The following BNC2 variants were observed in gnomAD, a reference collection of about 807,000 sequenced individuals.
BNC2 encodes the protein zinc finger protein basonuclin-2.
A neutral mutation model predicts 76.3 loss-of-function variants in BNC2; 20 were observed. The ratio of observed to expected loss-of-function variants is 0.26; its 90% confidence interval spans 0.18 to 0.38. The LOEUF is 0.38. Ranked by LOEUF, BNC2 falls within the 10% of genes least tolerant of loss-of-function variation. The probability of loss-of-function intolerance (pLI) is 1.00; values close to 1 mark genes in which losing one functional copy is unlikely to be tolerated. For missense variants in BNC2, 1,382 were observed against 1,399.8 expected (o/e 0.99, Z 0.20); for synonymous variants, 582 against 514.8 (o/e 1.13, Z -1.77).
At chr9:16,686,002 A>C (rs1822967340) in intron 3 of BNC2, among the ~76,000 whole-genome samples, 1 of 152,160 alleles carries the variant, frequency 6.6e-6, no homozygotes, top group Admixed American at 6.5e-5. Flanking sequence ...TTGGTGACAT[A>C]AATTTTTTCT....
chr9:16,786,597 C>G (rs1447341595), intron 1 of BNC2, among the ~76,000 whole-genome samples: 1 of 152,078 alleles, frequency 6.6e-6, no homozygotes, highest in African/African-American at 2.4e-5. Context: ...TCCCGGATAC[C>G]ATATAATCAG....
At chr9:16,445,946 C>T (rs2130983496) in intron 5 of BNC2, among the ~76,000 whole-genome samples, 1 of 152,256 alleles carries the variant, frequency 6.6e-6, no homozygotes. Context: ...ATGAATGCTA[C>T]AGGAATATCC....
intron 5 of BNC2, among the ~76,000 whole-genome samples, chr9:16,486,909 T>C (rs1199547767): frequency 6.6e-6 from 1 of 152,096 alleles, no homozygotes; most frequent in Non-Finnish European, 1.5e-5. Flanking sequence ...AGAGATAACG[T>C]CTCGCTATGT....
intron 5 of BNC2, among the ~76,000 whole-genome samples, chr9:16,517,618 T>G (rs1161563097): frequency 6.6e-6 from 1 of 152,184 alleles, no homozygotes; most frequent in African/African-American, 2.4e-5. Context: ...TGTACAAACC[T>G]GACCTGGTGT....
At chr9:16,851,941 T>A (rs1271533037) in intron 1 of BNC2, among the ~76,000 whole-genome samples, 1 of 152,138 alleles carries the variant, frequency 6.6e-6, no homozygotes, top group Non-Finnish European at 1.5e-5. Context: ...AGGATGAATA[T>A]TAAATAAAAC....
intron 3 of BNC2, among the ~76,000 whole-genome samples, chr9:16,608,960 A>G (rs1442503424): frequency 6.6e-6 from 1 of 152,192 alleles, no homozygotes; most frequent in Admixed American, 6.5e-5. Context: ...CCTAAACATC[A>G]TACCTTGCCA....
At chr9:16,818,263 GC>G (rs575231052) in intron 1 of BNC2, among the ~76,000 whole-genome samples, 6 of 152,086 alleles carry the variant, frequency 3.9e-5, no homozygotes, top group Non-Finnish European at 8.8e-5. Flanking sequence ...AATTAGCCGG[GC>G]GAGTTGGCGG....
chr9:16,791,669 T>G (rs1014533817), intron 1 of BNC2, among the ~76,000 whole-genome samples: 1 of 152,200 alleles, frequency 6.6e-6, no homozygotes, highest in Non-Finnish European at 1.5e-5. Context: ...AGATTATAAT[T>G]CGAACACTGT....
intron 3 of BNC2, among the ~76,000 whole-genome samples, chr9:16,616,613 C>T (rs544293388): frequency 6.7e-6 from 1 of 149,962 alleles, no homozygotes; most frequent in South Asian, 2.1e-4. Flanking sequence ...TACTTGAGCC[C>T]AGGAGATCAA....
chr9:16,418,900 C>CACACAA lies in BNC2; in HGVS notation c.*88_*89insTTGTGT. On this transcript the variant is annotated 3_prime_UTR_variant, in exon 7 of 7. Transcript: ENST00000380672. Reference sequence around the variant, plus strand: ...ACACACACACACACACACACACACACCCCAAGTACATAAGCGCACACTGAC... The same window carrying CACACAA: ...ACACACACACACACACACACACACACACACAACCCAAGTACATAAGCGCACACTGAC... 7.1e-7 allele frequency: 1 copy of CACACAA among 1,417,084 alleles called. No homozygotes were observed. The highest frequency in any genetic ancestry group is 1.2e-5 in the South Asian group (1 of 86,194). The allele number at this position is 1,417,084 out of a possible 1,614,324, so 87.8% of individuals were successfully genotyped here.
intron 1 of BNC2, among the ~76,000 whole-genome samples, chr9:16,836,505 T>C (rs1309340421): frequency 6.6e-6 from 1 of 151,154 alleles, no homozygotes; most frequent in Non-Finnish European, 1.5e-5. Flanking sequence ...GGCCCAGCTC[T>C]TCCTTTCAGG....
chr9:16,506,129 G>C (rs911778459), intron 5 of BNC2, among the ~76,000 whole-genome samples: 3 of 152,104 alleles, frequency 2.0e-5, no homozygotes, highest in African/African-American at 7.2e-5. Flanking sequence ...TTAAAACTTG[G>C]ATGGAAATTG....
At chr9:16,569,706 T>C (rs890680110) in intron 4 of BNC2, among the ~76,000 whole-genome samples, 3 of 152,216 alleles carry the variant, frequency 2.0e-5, no homozygotes, top group Admixed American at 6.5e-5. Context: ...GGCATGCCTT[T>C]GCTCTTTTGC....
rs1007368021 is a variant in BNC2, at chr9:16,416,891, A to G, written c.*2098T>C. The stretch of plus-strand genomic sequence containing the variant: ...CTACAGGAATAATAACAACAGAAAC[A>G]TATTAACAGTTTCCTTTGGCAAATT... On this transcript the variant is annotated 3_prime_UTR_variant, in exon 7 of 7. Transcript: ENST00000380672. 2.6e-5 allele frequency: 4 copies of G among 152,786 alleles called. 1 individual carries two copies. Among genetic ancestry groups the G allele is most frequent in the Admixed American group, 1.3e-4 (2 of 15,304 alleles). The allele number at this position is 152,786 out of a possible 1,614,324, so 9.5% of individuals were successfully genotyped here.
rs34223075 is a variant in BNC2, at chr9:16,693,127, C to CAAAAA, written c.330+34665_330+34669dup. ...CCTGGGCAACACAGTAAGACAGTCT[C>CAAAAA]AAAAAAAAAAAAAAAAAAAAAAGAC... On this transcript the variant is annotated intron_variant, in intron 3 of 6. Transcript: ENST00000380672. Among the ~76,000 whole-genome samples, 24 of 60,418 alleles carry CAAAAA rather than the reference C, an allele frequency of 4.0e-4. 2 individuals carry two copies. Among genetic ancestry groups the CAAAAA allele is most frequent in the African/African-American group, 1.3e-3 (17 of 13,130 alleles). 39.6% of individuals were successfully genotyped at this position (60,418 alleles called of 152,430 possible).
chr9:16,737,792 A>G (rs1824721488), intron 2 of BNC2, among the ~76,000 whole-genome samples: 1 of 152,168 alleles, frequency 6.6e-6, no homozygotes, highest in Non-Finnish European at 1.5e-5. Context: ...CAGGTCCCTT[A>G]GAAGATCTGC....
intron 5 of BNC2, among the ~76,000 whole-genome samples, chr9:16,505,447 A>C (rs1387471388): frequency 1.3e-5 from 2 of 152,194 alleles, no homozygotes; most frequent in Non-Finnish European, 2.9e-5. Flanking sequence ...AAAACACATA[A>C]CTTTGATAAT....
intron 3 of BNC2, among the ~76,000 whole-genome samples, chr9:16,595,647 A>G (rs1206525332): frequency 6.6e-6 from 1 of 152,188 alleles, no homozygotes; most frequent in Admixed American, 6.5e-5. Context: ...ACAAATTTCT[A>G]TGACATCTAT....
Position 16,802,422 on chromosome 9 carries a change from G to A in BNC2, c.4-63937C>T, listed in dbSNP as rs536545701. On this transcript the variant is annotated intron_variant, in intron 1 of 6. Coordinates refer to ENST00000380672, the MANE Select transcript of BNC2 (RefSeq NM_017637.6). ...ACAATTAGCAATATCCTTCACTCCCGTGCCCATTCACTGGTGCTACAATAA... is the reference window on the plus strand; with the variant it reads ...ACAATTAGCAATATCCTTCACTCCCATGCCCATTCACTGGTGCTACAATAA... 3.9e-5 allele frequency among the ~76,000 whole-genome samples: 6 copies of A among 152,206 alleles called. No individual in the cohort carries two copies. The East Asian group carries it at 9.7e-4, about 24-fold the overall frequency.
Sources: gnomAD v4.1 joint callset for allele counts (sites outside exome capture counted in the v4.1 genomes callset) on GRCh38, gnomAD v4.1.1 for gene constraint, MANE v1.5 for transcripts, NCBI Gene and HGNC (gene_info 2026-07-23, HGNC 2026-07-21) for gene names.